SLC15A1: variants seen among roughly 807,000 people sequenced by gnomAD.
The protein encoded by SLC15A1 is solute carrier family 15 member 1.
In SLC15A1, 83 loss-of-function variants were observed where a neutral mutation model predicts 92.9. That is an observed-to-expected ratio of 0.89 (90% CI 0.75 to 1.07). The LOEUF is 1.07. SLC15A1 is among the 50% of genes least tolerant of loss of function. The pLI, the probability that SLC15A1 is intolerant of heterozygous loss-of-function variation, is 0.00. For synonymous variants in SLC15A1, 322 were observed against 318.2 expected (o/e 1.01, Z -0.13); for missense variants, 857 against 880.1 (o/e 0.97, Z 0.33).
At chr13:98,706,879 C>T (rs757808334) in intron 15 of SLC15A1, among the ~76,000 whole-genome samples, 4 of 152,122 alleles carry the variant, frequency 2.6e-5, no homozygotes, top group Non-Finnish European at 4.4e-5. Context: ...TGCCAAGATA[C>T]GAAGCCAAAT....
chr13:98,726,089 C>T (rs1419730667), intron 4 of SLC15A1, 34 bp downstream of exon 4: 8 of 1,607,484 alleles, frequency 5.0e-6, no homozygotes, highest in South Asian at 2.2e-5. Flanking sequence ...TACTTTTTCG[C>T]TTGTTTGTGA....
intron 1 of SLC15A1, among the ~76,000 whole-genome samples, chr13:98,732,180 C>T (rs1381639570): frequency 2.0e-5 from 3 of 152,212 alleles, no homozygotes; most frequent in East Asian, 1.9e-4. Context: ...GTCCTGTTTA[C>T]GTTGGTTCCC....
intron 1 of SLC15A1, among the ~76,000 whole-genome samples, chr13:98,742,026 C>T (rs115658788): frequency 6.2e-4 from 94 of 152,344 alleles, no homozygotes; most frequent in African/African-American, 2.2e-3. Flanking sequence ...GCAGCCTAGC[C>T]CTGCGGACCT....
In SLC15A1 at chr13:98,747,016, A is replaced by G. The variant is rs570044244; in HGVS notation, c.4+5579T>C. On this transcript the variant is annotated intron_variant, in intron 1 of 22. Coordinates refer to ENST00000376503, the MANE Select transcript of SLC15A1 (RefSeq NM_005073.4). Reference sequence around the variant, plus strand: ...AACCCCAAAAACCAGAGGGGCCGAGAGAAGAGGTGTGGCCCCCCCCACCCC... The same window carrying G: ...AACCCCAAAAACCAGAGGGGCCGAGGGAAGAGGTGTGGCCCCCCCCACCCC... Among the ~76,000 whole-genome samples the G allele has an allele frequency of 2.9e-3, 444 of 152,240 alleles. 6 individuals are homozygous for G. The highest frequency in any genetic ancestry group is 3.2e-3 in the Non-Finnish European group (216 of 68,012).
intron 5 of SLC15A1, 30 bp from the exon 6 acceptor site, chr13:98,721,933 T>C (rs755057600): frequency 2.3e-5 from 36 of 1,582,926 alleles, no homozygotes; most frequent in South Asian, 3.4e-5. Flanking sequence ...AGGGCCAACA[T>C]GGCAGATCCT....
chr13:98,718,804 T>C (rs1216423533), intron 8 of SLC15A1, among the ~76,000 whole-genome samples: 1 of 152,144 alleles, frequency 6.6e-6, no homozygotes, highest in Non-Finnish European at 1.5e-5. Context: ...AGCAAGACTC[T>C]GTCTTTTTGT....
intron 18 of SLC15A1, among the ~76,000 whole-genome samples, chr13:98,696,283 A>C (rs1000673456): frequency 6.6e-6 from 1 of 151,516 alleles, no homozygotes; most frequent in Non-Finnish European, 1.5e-5. Flanking sequence ...GCGTGGTGGC[A>C]TGTGCCTGTA....
intron 18 of SLC15A1, among the ~76,000 whole-genome samples, chr13:98,693,190 C>G (rs9584907): frequency 6.8e-6 from 1 of 147,170 alleles, no homozygotes; most frequent in Admixed American, 7.1e-5. Flanking sequence ...CTCCGCCTCC[C>G]GGGTTCAAGC....
At chr13:98,749,790 G>A (rs1049400691) in intron 1 of SLC15A1, among the ~76,000 whole-genome samples, 6 of 152,186 alleles carry the variant, frequency 3.9e-5, no homozygotes, top group African/African-American at 1.4e-4. Context: ...TAAGAAGAAT[G>A]TAAGCTTACA....
At chr13:98,685,992 A>AG (rs1487888837) in intron 22 of SLC15A1, among the ~76,000 whole-genome samples, 198 bp downstream of exon 22, 1 of 149,184 alleles carries the variant, frequency 6.7e-6, no homozygotes, top group East Asian at 1.9e-4. Context: ...CTCAAAAAAA[A>AG]AAAAAAAGAA....
At chr13:98,719,138 TGCCAC>T in intron 8 of SLC15A1, 94 bp downstream of exon 8, 1 of 764,056 alleles carries the variant, frequency 1.3e-6, no homozygotes, top group Non-Finnish European at 2.2e-6. Context: ...TACTTTTTGT[TGCCAC>T]TTGTTACATG....
chr13:98,688,239 G>A lies in SLC15A1; in HGVS notation c.1683+9C>T, dbSNP rs368016273. On this transcript the variant is annotated intron_variant, in intron 20 of 22. Transcript: ENST00000376503. ...CAGATCTTCTGATACAATGAAACGA[G>A]TTACTAACCTTCCTTTGGACTATAT... 6.4e-7 allele frequency: 1 copy of A among 1,570,344 alleles called. No homozygotes were observed. The highest frequency in any genetic ancestry group is 1.4e-5 in the African/African-American group (1 of 73,852).
At chr13:98,729,106 A>G (rs1770562979) in intron 1 of SLC15A1, among the ~76,000 whole-genome samples, 1 of 151,618 alleles carries the variant, frequency 6.6e-6, no homozygotes, top group Admixed American at 6.6e-5. Flanking sequence ...GATATTCCAA[A>G]TACCCAGATT....
At chr13:98,724,601 A>G (rs2088284354) in intron 4 of SLC15A1, among the ~76,000 whole-genome samples, 1 of 152,018 alleles carries the variant, frequency 6.6e-6, no homozygotes, top group Non-Finnish European at 1.5e-5. Context: ...CCTCCCGAGT[A>G]GCTAGGACTA....
intron 1 of SLC15A1, among the ~76,000 whole-genome samples, chr13:98,738,337 G>A (rs933690155): frequency 6.6e-6 from 1 of 152,246 alleles, no homozygotes; most frequent in Non-Finnish European, 1.5e-5. Context: ...CTAAGAAGGA[G>A]TCAAGTGCTA....
rs772340279 is a variant in SLC15A1 at position 98,721,345 on chromosome 13, A to C, written c.556+150T>G. ...AGGAGGTGAAACTCACAGGGAAGGA[A>C]GCACTTACTCCAGATTCCAACGTGC... is the stretch of plus-strand genomic sequence containing the variant. On this transcript the variant is annotated intron_variant, in intron 7 of 22. Transcript: ENST00000376503. The C allele has an allele frequency of 2.1e-4, 151 of 718,400 alleles. 2 individuals carry two copies. Among genetic ancestry groups the C allele is most frequent in the Non-Finnish European group, 8.3e-5 (32 of 386,508 alleles). 44.5% of individuals were successfully genotyped at this position (718,400 alleles called of 1,614,324 possible).
At position 98,710,784 on chromosome 13, in the gene SLC15A1, G is replaced by A. The variant is rs149771317; in HGVS notation, c.901-873C>T. Among the ~76,000 whole-genome samples the A allele has an allele frequency of 9.2e-3, 1,337 of 144,906 alleles. 11 individuals are homozygous for A. Among genetic ancestry groups the A allele is most frequent in the Non-Finnish European group, 0.014 (945 of 66,822 alleles). ...GATAGTGCCACTGTACTCCAGCTTGGGCAACAGAGTGAGACTCTTGACTCA... is the reference window on the plus strand; with the variant it reads ...GATAGTGCCACTGTACTCCAGCTTGAGCAACAGAGTGAGACTCTTGACTCA... On this transcript the variant is annotated intron_variant, in intron 11 of 22. Transcript: ENST00000376503.
At position 98,688,415 on chromosome 13, in the gene SLC15A1, T is replaced by G. The variant is rs371720367; in HGVS notation, c.1574+55A>C. The G allele has an allele frequency of 1.9e-5, 30 of 1,605,246 alleles. 1 individual carries two copies. The African/African-American group carries it at 3.6e-4, about 19-fold the overall frequency. ...CTTGGCATTAAAAATTTCAATGCAT[T>G]TTTTAAAGAAAAATTCTTGAACCTT... On this transcript the variant is annotated intron_variant, in intron 19 of 22. Transcript: ENST00000376503.
At position 98,687,647 on chromosome 13, in the gene SLC15A1, C is replaced by T. The variant is rs772249664; in HGVS notation, c.1761G>A (p.Gln587=). 2.5e-6 allele frequency: 4 copies of T among 1,614,052 alleles called. No individual in the cohort carries two copies. In the South Asian group the frequency reaches 4.4e-5, roughly 18 times the overall value. ...CTTCGCCACAGGTGAGAAGAAAATA[C>T]TGCGGGATTTGCAGAGCCATGTTAA... ...NTVNMALQIP[Q]YFLLTCGEVV... Residue 587 remains glutamine (Q), a synonymous_variant, in exon 21 of 23, where the codon CAG becomes CAA. Coordinates refer to ENST00000376503, the MANE Select transcript of SLC15A1 (RefSeq NM_005073.4).
Sources: gnomAD v4.1 joint callset for allele counts (sites outside exome capture counted in the v4.1 genomes callset) on GRCh38, gnomAD v4.1.1 for gene constraint, MANE v1.5 for transcripts, NCBI Gene and HGNC (gene_info 2026-07-23, HGNC 2026-07-21) for gene names.